Variants in ESRRG observed in about 807,000 individuals in gnomAD.
ESRRG encodes the protein estrogen-related receptor gamma.
In ESRRG, 13 loss-of-function variants were observed where a neutral mutation model predicts 44.0. That is an observed-to-expected ratio of 0.30 (90% CI 0.19 to 0.47). The LOEUF (loss-of-function observed/expected upper bound fraction) is 0.47, where lower values mean the gene tolerates loss of function less well. ESRRG is among the 20% of genes least tolerant of loss of function. The probability of loss-of-function intolerance (pLI) is 1.00; values close to 1 mark genes in which losing one functional copy is unlikely to be tolerated. For missense variants in ESRRG, 395 were observed against 580.6 expected (o/e 0.68, Z 3.29); for synonymous variants, 215 against 214.6 (o/e 1.00, Z -0.02).
intron 2 of ESRRG, among the ~76,000 whole-genome samples, chr1:216,668,711 C>G (rs1427532349): frequency 1.3e-5 from 2 of 152,130 alleles, no homozygotes; most frequent in East Asian, 3.9e-4. Flanking sequence ...CTAGCCAACA[C>G]ACACACACAC....
chr1:216,836,706 A>G lies in ESRRG; in HGVS notation c.-14+102876T>C, dbSNP rs1418853557. The stretch of plus-strand genomic sequence containing the variant: ...CAGCATCAAGTGGTGCAGTGGCTCC[A>G]CAATGAGTCGTGGCGGCAGAGTGAG... On this transcript the variant is annotated intron_variant, in intron 2 of 7. Coordinates refer to the ESRRG transcript ENST00000359162. 2.0e-5 allele frequency among the ~76,000 whole-genome samples: 3 copies of G among 152,238 alleles called. No individual in the cohort carries two copies. In the East Asian group the frequency reaches 5.8e-4, roughly 29 times the overall value.
chr1:216,966,013 A>G (rs981218357), intron 1 of ESRRG, among the ~76,000 whole-genome samples: 1 of 152,170 alleles, frequency 6.6e-6, no homozygotes, highest in Non-Finnish European at 1.5e-5. Flanking sequence ...GCGCTCCAAA[A>G]TGATACTGAC....
chr1:216,579,810 G>A (rs776221905), intron 3 of ESRRG, among the ~76,000 whole-genome samples: 1 of 152,154 alleles, frequency 6.6e-6, no homozygotes, highest in Non-Finnish European at 1.5e-5. Flanking sequence ...TGAGAATGGA[G>A]ACTTCAAATG....
intron 6 of ESRRG, among the ~76,000 whole-genome samples, chr1:216,513,994 A>G (rs1487654195): frequency 6.6e-6 from 1 of 152,134 alleles, no homozygotes; most frequent in African/African-American, 2.4e-5. Flanking sequence ...ACTGCAGAGT[A>G]TTTTATGTGC....
At chr1:216,825,441 G>A (rs1197446375) in intron 2 of ESRRG, among the ~76,000 whole-genome samples, 1 of 152,112 alleles carries the variant, frequency 6.6e-6, no homozygotes, top group Non-Finnish European at 1.5e-5. Context: ...AAGATAAGGA[G>A]GTTTGCAAAT....
At chr1:216,543,514 T>C (rs562663295) in intron 5 of ESRRG, among the ~76,000 whole-genome samples, 2 of 152,112 alleles carry the variant, frequency 1.3e-5, no homozygotes, top group South Asian at 4.1e-4. Flanking sequence ...CTTCTAATTT[T>C]GTTTTATCAT....
At chr1:216,961,669 A>C (rs781460923) in intron 1 of ESRRG, among the ~76,000 whole-genome samples, 1 of 151,596 alleles carries the variant, frequency 6.6e-6, no homozygotes, top group South Asian at 2.1e-4. Flanking sequence ...CTACGGCAGC[A>C]TATGTAAAAT....
chr1:217,129,235 A>T (rs2092928527), intron 1 of ESRRG, among the ~76,000 whole-genome samples: 1 of 152,256 alleles, frequency 6.6e-6, no homozygotes, highest in South Asian at 2.1e-4. Flanking sequence ...AGCACATGAA[A>T]ATATACTTGG....
At chr1:216,633,637 A>C (rs764316072) in intron 3 of ESRRG, among the ~76,000 whole-genome samples, 4 of 152,212 alleles carry the variant, frequency 2.6e-5, no homozygotes, top group African/African-American at 9.6e-5. Flanking sequence ...TATTTAGCCC[A>C]GGTATGGTGA....
chr1:216,931,958 C>A (rs867399972), intron 2 of ESRRG, among the ~76,000 whole-genome samples: 2 of 152,184 alleles, frequency 1.3e-5, no homozygotes, highest in Non-Finnish European at 2.9e-5. Context: ...GTAATCCCAG[C>A]ACTTTGGGAG....
intron 3 of ESRRG, among the ~76,000 whole-genome samples, chr1:216,640,488 G>GGAGA (rs72397494): frequency 3.2e-4 from 47 of 146,956 alleles, no homozygotes; most frequent in East Asian, 1.4e-3. Flanking sequence ...ACTAAGTGAG[G>GGAGA]GAGAGAGAGA....
intron 2 of ESRRG, among the ~76,000 whole-genome samples, chr1:216,818,214 A>C (rs755369602): frequency 3.9e-5 from 6 of 152,186 alleles, no homozygotes; most frequent in Non-Finnish European, 8.8e-5. Flanking sequence ...TGATGGGGGG[A>C]AATGAAGTGA....
At chr1:216,916,285 C>A (rs2061154620) in intron 2 of ESRRG, among the ~76,000 whole-genome samples, 2 of 152,132 alleles carry the variant, frequency 1.3e-5, no homozygotes, top group African/African-American at 4.8e-5. Flanking sequence ...TGCATGCTGC[C>A]CCTGTTTCAA....
At chr1:216,853,981 G>A (rs2095878177) in intron 2 of ESRRG, among the ~76,000 whole-genome samples, 1 of 152,136 alleles carries the variant, frequency 6.6e-6, no homozygotes, top group Admixed American at 6.5e-5. Context: ...CATAGAGCAT[G>A]AGCCCAGACA....
At chr1:216,918,485 G>A (rs1473873197) in intron 2 of ESRRG, among the ~76,000 whole-genome samples, 1 of 152,076 alleles carries the variant, frequency 6.6e-6, no homozygotes, top group Non-Finnish European at 1.5e-5. Context: ...TATAATTCTA[G>A]ATAGTGCAAG....
chr1:217,078,530 T>G (rs926898589), intron 1 of ESRRG, among the ~76,000 whole-genome samples: 1 of 152,166 alleles, frequency 6.6e-6, no homozygotes, highest in Admixed American at 6.5e-5. Flanking sequence ...CAGAAAGGAA[T>G]GTGGAAAGTA....
intron 2 of ESRRG, among the ~76,000 whole-genome samples, chr1:216,870,443 C>A (rs1324328643): frequency 2.0e-5 from 3 of 151,870 alleles, no homozygotes; most frequent in Non-Finnish European, 2.9e-5. Context: ...TTGTATTTCT[C>A]TCTCTCGTCT....
chr1:216,753,547 C>T, intron 2 of ESRRG, among the ~76,000 whole-genome samples: 1 of 152,026 alleles, frequency 6.6e-6, no homozygotes, highest in Non-Finnish European at 1.5e-5. Flanking sequence ...CTTATAGTTT[C>T]CTTTTATCTT....
Position 217,069,946 on chromosome 1 carries a change from C to T in ESRRG, c.-106+19561G>A, listed in dbSNP as rs148552188. Among the ~76,000 whole-genome samples the T allele has an allele frequency of 2.6e-5, 4 of 152,260 alleles. No homozygotes were observed. The South Asian group carries it at 8.3e-4, about 32-fold the overall frequency. On this transcript the variant is annotated intron_variant, in intron 1 of 7. Coordinates refer to the ESRRG transcript ENST00000359162. ...CCAGACTCAAAGGCAATAGCAAAAC[C>T]TACAAAAAATGGTCACCTATTTCCA...
Sources: gnomAD v4.1 joint callset for allele counts (sites outside exome capture counted in the v4.1 genomes callset) on GRCh38, gnomAD v4.1.1 for gene constraint, MANE v1.5 for transcripts, NCBI Gene and HGNC (gene_info 2026-07-23, HGNC 2026-07-21) for gene names.